The following ABCB11 variants were observed in gnomAD, a reference collection of about 807,000 sequenced individuals.
ABCB11 encodes ATP binding cassette subfamily B member 11, also known as bile salt export pump.
A neutral mutation model predicts 148.0 loss-of-function variants in ABCB11; 95 were observed. That is an observed-to-expected ratio of 0.64 (90% CI 0.54 to 0.76). The LOEUF is 0.76. Ranked by LOEUF, ABCB11 falls within the 30% of genes least tolerant of loss-of-function variation. The probability of loss-of-function intolerance (pLI) is 0.00; values close to 1 mark genes in which losing one functional copy is unlikely to be tolerated. For synonymous variants in ABCB11, 591 were observed against 555.4 expected (o/e 1.06, Z -0.90); for missense variants, 1,523 against 1,617.8 (o/e 0.94, Z 1.01).
chr2:168,966,002 A>C (rs986042546), intron 17 of ABCB11, among the ~76,000 whole-genome samples: 2 of 151,824 alleles, frequency 1.3e-5, no homozygotes, highest in Non-Finnish European at 2.9e-5. Flanking sequence ...GCCAAGACTC[A>C]TTATGACCAG....
intron 10 of ABCB11, among the ~76,000 whole-genome samples, chr2:168,980,981 T>C (rs1573934997): frequency 6.6e-6 from 1 of 152,158 alleles, no homozygotes; most frequent in East Asian, 1.9e-4. Flanking sequence ...GTGACTCGCA[T>C]AGAGGATGTT....
In ABCB11 at chr2:168,969,545, G is replaced by A; in HGVS notation, c.1816C>T (p.His606Tyr). The A allele has an allele frequency of 6.2e-7, 1 of 1,611,976 alleles. No individual in the cohort carries two copies. The highest frequency in any genetic ancestry group is 8.5e-7 in the Non-Finnish European group (1 of 1,178,802). Residue 606 changes from histidine to tyrosine, a missense_variant, in exon 16 of 28, where the codon CAT (histidine) becomes TAT (tyrosine). Transcript: ENST00000650372. ...GCAACTGAAATGATTGTGTGCCCAT[G>A]CTGAATCTGTAAGAATGTACAGTGC... is the stretch of plus-strand genomic sequence containing the variant. ...MVQEVLSKIQ[H>Y]GHTIISVAHR...
At chr2:168,959,165 C>T (rs952167140) in intron 18 of ABCB11, among the ~76,000 whole-genome samples, 2 of 151,628 alleles carry the variant, frequency 1.3e-5, no homozygotes, top group Non-Finnish European at 3.0e-5. Flanking sequence ...TGTGTCATGT[C>T]CATTTCATTA....
At chr2:168,996,818 A>T (rs1049879169) in intron 5 of ABCB11, 96 bp from the exon 6 acceptor site, 10 of 300,230 alleles carry the variant, frequency 3.3e-5, no homozygotes, top group African/African-American at 1.4e-4. Flanking sequence ...AAATATATAT[A>T]TTTTAAATAT....
chr2:169,006,378 G>A (rs940245622), intron 5 of ABCB11, among the ~76,000 whole-genome samples: 35 of 152,216 alleles, frequency 2.3e-4, no homozygotes, highest in Non-Finnish European at 3.2e-4. Context: ...ACTAGGATTA[G>A]AAGGGAATTC....
In ABCB11 at chr2:169,013,377, A is replaced by G. The variant is rs745952466; in HGVS notation, c.284T>C (p.Val95Ala). 1 of 1,613,896 alleles carries G rather than the reference A, an allele frequency of 6.2e-7. No individual in the cohort carries two copies. Among genetic ancestry groups the G allele is most frequent in the East Asian group, 2.2e-5 (1 of 44,874 alleles). ...TMTDVFIDYD[V>A]ELQELQIPGK... ...TGGAATCTGGAGTTCTTGTAACTCAACGTCGTAGTCAATAAAAACATCTGT... is the reference window on the plus strand; with the variant it reads ...TGGAATCTGGAGTTCTTGTAACTCAGCGTCGTAGTCAATAAAAACATCTGT... The change falls in exon 5 of 28, where the codon GTT becomes GCT. Residue 95 changes from valine to alanine, a missense_variant. Val to Ala is a moderately conservative substitution (Grantham distance 64, BLOSUM62 0). Transcript: ENST00000650372.
chr2:168,935,073 A>T, intron 23 of ABCB11, 111 bp downstream of exon 23: 1 of 1,431,180 alleles, frequency 7.0e-7, no homozygotes, highest in African/African-American at 1.4e-5. Flanking sequence ...CAGCTATTGT[A>T]AGACACCAAG....
At chr2:168,982,664 T>C (rs1024874685) in intron 10 of ABCB11, among the ~76,000 whole-genome samples, 1 of 152,136 alleles carries the variant, frequency 6.6e-6, no homozygotes, top group African/African-American at 2.4e-5. Flanking sequence ...CAAAACGTAC[T>C]GGATTAACCA....
At chr2:169,003,319 G>GGTGTGTGTGTGT (rs751149363) in intron 5 of ABCB11, among the ~76,000 whole-genome samples, 2,542 of 140,044 alleles carry the variant, frequency 0.018, 30 homozygotes, top group East Asian at 0.043. Context: ...AGTATTCCAT[G>GGTGTGTGTGTGT]GTGCGTGTGT....
chr2:169,005,520 C>T (rs73020788), intron 5 of ABCB11, among the ~76,000 whole-genome samples: 3,603 of 152,112 alleles, frequency 0.024, 68 homozygotes, highest in African/African-American at 0.041. Flanking sequence ...CCACTCAGCC[C>T]GCAGTACTAG....
intron 21 of ABCB11, among the ~76,000 whole-genome samples, chr2:168,938,526 G>A (rs1357636486): frequency 1.3e-5 from 2 of 152,108 alleles, no homozygotes; most frequent in Non-Finnish European, 2.9e-5. Context: ...GGGAGGGAGA[G>A]CAGGATGGGG....
At position 168,964,191 on chromosome 2, in the gene ABCB11, C is replaced by T. The variant is rs1219284296; in HGVS notation, c.2178+15G>A. On this transcript the variant is annotated intron_variant, in intron 18 of 27. Coordinates refer to ENST00000650372, the MANE Select transcript of ABCB11 (RefSeq NM_003742.4). ...GACTTCTTCCATTCCCCCCCATAAG[C>T]AGTTGGTGCCTGACCTTTCTATCTT... 1 of 1,534,942 alleles carries T rather than the reference C, an allele frequency of 6.5e-7. No homozygotes were observed.
At chr2:168,964,827 T>A (rs1316203878) in intron 17 of ABCB11, among the ~76,000 whole-genome samples, 5 of 151,876 alleles carry the variant, frequency 3.3e-5, no homozygotes, top group Non-Finnish European at 7.4e-5. Context: ...CAGACATGCA[T>A]GAATGAGTAT....
intron 13 of ABCB11, among the ~76,000 whole-genome samples, chr2:168,973,233 G>A (rs1237474720): frequency 6.6e-6 from 1 of 152,034 alleles, no homozygotes; most frequent in Non-Finnish European, 1.5e-5. Flanking sequence ...GATACGTTCT[G>A]AGAAATGTGT....
intron 24 of ABCB11, among the ~76,000 whole-genome samples, chr2:168,931,919 A>G (rs114628368): frequency 0.022 from 3,379 of 152,302 alleles, 54 homozygotes; most frequent in Non-Finnish European, 0.035. Flanking sequence ...TTTAGAAGCC[A>G]AGTGGTATTG....
chr2:169,030,223 T>C (rs1015116258), intron 1 of ABCB11, among the ~76,000 whole-genome samples: 2 of 152,128 alleles, frequency 1.3e-5, no homozygotes, highest in African/African-American at 2.4e-5. Flanking sequence ...TTCTTGGTAC[T>C]AGGAAACAAA....
At chr2:168,977,362 C>CT (rs1693954268) in intron 11 of ABCB11, among the ~76,000 whole-genome samples, 1 of 152,040 alleles carries the variant, frequency 6.6e-6, no homozygotes, top group Admixed American at 6.6e-5. Context: ...CGAGGGTATT[C>CT]TTTTGAGTAT....
chr2:169,022,404 AATCATAAGC>A (rs1277725513), intron 1 of ABCB11, among the ~76,000 whole-genome samples: 5 of 152,054 alleles, frequency 3.3e-5, no homozygotes, highest in African/African-American at 1.2e-4. Context: ...TAAAGTTTTA[AATCATAAGC>A]AAATACTAAG....
intron 18 of ABCB11, among the ~76,000 whole-genome samples, chr2:168,960,582 C>T (rs1020268154): frequency 1.3e-5 from 2 of 151,580 alleles, no homozygotes; most frequent in Non-Finnish European, 3.0e-5. Context: ...TTCCAAGAGA[C>T]ACTAACAAGA....
Sources: gnomAD v4.1 joint callset for allele counts (sites outside exome capture counted in the v4.1 genomes callset) on GRCh38, gnomAD v4.1.1 for gene constraint, MANE v1.5 for transcripts, NCBI Gene and HGNC (gene_info 2026-07-23, HGNC 2026-07-21) for gene names.